Variants in KPNA5 observed in about 807,000 individuals in gnomAD.
The protein encoded by KPNA5 is karyopherin subunit alpha 5.
Under a neutral mutation model 71.3 loss-of-function variants are expected in KPNA5, and 46 were observed. The observed-to-expected ratio is 0.65, with a 90% confidence interval of 0.51 to 0.83. The LOEUF (loss-of-function observed/expected upper bound fraction) is 0.83. KPNA5 is among the 40% of genes least tolerant of loss of function. KPNA5 has a pLI of 0.00. For missense variants in KPNA5, 547 were observed against 628.3 expected (o/e 0.87, Z 1.38); for synonymous variants, 207 against 201.4 (o/e 1.03, Z -0.24).
intron 12 of KPNA5, among the ~76,000 whole-genome samples, chr6:116,728,879 G>A (rs1779374979): frequency 6.6e-6 from 1 of 152,050 alleles, no homozygotes; most frequent in Non-Finnish European, 1.5e-5. Context: ...TTTTTGCCAA[G>A]TGAACAAATC....
chr6:116,723,736 A>G (rs1214549957), intron 9 of KPNA5, among the ~76,000 whole-genome samples: 1 of 152,208 alleles, frequency 6.6e-6, no homozygotes, highest in African/African-American at 2.4e-5. Flanking sequence ...AATACTTCAG[A>G]TAATAAGCAT....
intron 12 of KPNA5, among the ~76,000 whole-genome samples, chr6:116,727,065 T>C (rs558473340): frequency 6.6e-6 from 1 of 152,222 alleles, no homozygotes; most frequent in South Asian, 2.1e-4. Flanking sequence ...ATAGTATCTT[T>C]TATTTTTCTA....
intron 1 of KPNA5, among the ~76,000 whole-genome samples, chr6:116,683,566 C>T (rs540874417): frequency 1.1e-4 from 16 of 151,788 alleles, no homozygotes; most frequent in Admixed American, 6.6e-4. Flanking sequence ...TTATGTTGAG[C>T]GGTTTCCCTC....
chr6:116,681,572 G>C (rs996738102), intron 1 of KPNA5: 1 of 1,290,286 alleles, frequency 7.8e-7, no homozygotes, highest in Non-Finnish European at 9.8e-7. Flanking sequence ...GATTCTTTCA[G>C]CAGGTCCTCT....
chr6:116,726,385 A>G, intron 11 of KPNA5, 110 bp from the exon 12 acceptor site: 3 of 806,488 alleles, frequency 3.7e-6, no homozygotes, highest in Non-Finnish European at 5.8e-6. Flanking sequence ...TTTTAATGTC[A>G]AGGTTCCAAA....
chr6:116,708,921 G>C (rs377059607), intron 7 of KPNA5, among the ~76,000 whole-genome samples: 224 of 152,254 alleles, frequency 1.5e-3, no homozygotes, highest in African/African-American at 5.0e-3. Context: ...AAGTAGCTGG[G>C]ATTACAGTCG....
intron 2 of KPNA5, among the ~76,000 whole-genome samples, chr6:116,691,598 T>C (rs1777803930): frequency 6.6e-6 from 1 of 152,234 alleles, no homozygotes; most frequent in Non-Finnish European, 1.5e-5. Context: ...AGCATAGTAC[T>C]GTCATTCCTA....
intron 4 of KPNA5, 66 bp downstream of exon 4, chr6:116,692,458 GT>G (rs148504222): frequency 1.3e-4 from 130 of 1,000,154 alleles, no homozygotes; most frequent in African/African-American, 4.2e-4. Flanking sequence ...TTATTTTATT[GT>G]TTTTTTTTAA....
In KPNA5 at chr6:116,733,662, A is replaced by G. The variant is rs1446943534; in HGVS notation, c.*1339A>G. The stretch of plus-strand genomic sequence containing the variant: ...AACTACTGTTGAACTCAATCTTTTA[A>G]TTTATAGTTATACGTAGGCTATTTA... On this transcript the variant is annotated 3_prime_UTR_variant, in exon 14 of 14. Coordinates refer to ENST00000368564, the MANE Select transcript of KPNA5 (RefSeq NM_001366306.2). 21 of 151,570 alleles carry G rather than the reference A, an allele frequency of 1.4e-4. No homozygotes were observed. Among genetic ancestry groups the G allele is most frequent in the Admixed American group, 1.3e-3 (19 of 15,160 alleles). 9.4% of individuals were successfully genotyped at this position (151,570 alleles called of 1,614,324 possible). A position where few individuals can be genotyped will look rare whatever the true frequency, so the allele number is the denominator to read the frequency against.
At chr6:116,704,309 AT>A (rs949369722) in intron 6 of KPNA5, among the ~76,000 whole-genome samples, 106 of 152,282 alleles carry the variant, frequency 7.0e-4, no homozygotes, top group African/African-American at 2.3e-3. Context: ...AAGTGCTGGA[AT>A]TACAGGCATG....
rs1779799840 is a variant in KPNA5 at position 116,739,727 on chromosome 6, A to G, written c.*7404A>G. The G allele has an allele frequency of 6.6e-6, 1 of 152,084 alleles. No individual in the cohort carries two copies. Among genetic ancestry groups the G allele is most frequent in the South Asian group, 2.1e-4 (1 of 4,806 alleles). The allele number at this position is 152,084 out of a possible 1,614,324, so 9.4% of individuals were successfully genotyped here. On this transcript the variant is annotated 3_prime_UTR_variant, in exon 14 of 14. Transcript: ENST00000368564. The stretch of plus-strand genomic sequence containing the variant: ...AACTATCTGATCTTTGACAAACCTG[A>G]GAAAAACAAGCAATGGGGAAAGGAT...
chr6:116,682,651 GA>G lies in KPNA5; in HGVS notation c.4+1317del, dbSNP rs1206955627. Among the ~76,000 whole-genome samples the G allele has an allele frequency of 2.6e-5, 4 of 152,236 alleles. No homozygotes were observed. In the East Asian group the frequency reaches 7.7e-4, roughly 29 times the overall value. On this transcript the variant is annotated intron_variant, in intron 1 of 13. Coordinates refer to ENST00000368564, the MANE Select transcript of KPNA5 (RefSeq NM_001366306.2). The stretch of plus-strand genomic sequence containing the variant: ...AGAAATAATGTCGATTGATATTAAA[GA>G]AAATCATAAGTTCAGATTCCAGTTA...
chr6:116,684,601 A>T (rs1284245852), intron 1 of KPNA5, among the ~76,000 whole-genome samples: 3 of 151,968 alleles, frequency 2.0e-5, no homozygotes, highest in Non-Finnish European at 2.9e-5. Flanking sequence ...TCTCTGACCT[A>T]CTTCTTTTTG....
At chr6:116,707,218 G>A (rs567568) in intron 7 of KPNA5, among the ~76,000 whole-genome samples, 9,991 of 151,880 alleles carry the variant, frequency 0.066, 451 homozygotes, top group Admixed American at 0.16. Context: ...TTCACATTTA[G>A]TAATGCTTAA....
chr6:116,683,702 G>T (rs1211843253), intron 1 of KPNA5, among the ~76,000 whole-genome samples: 2 of 151,268 alleles, frequency 1.3e-5, no homozygotes, highest in East Asian at 3.9e-4. Context: ...TCCCTCCCGG[G>T]GTCTCCTGCC....
In KPNA5 at chr6:116,741,817, C is replaced by T. The variant is rs962203975; in HGVS notation, c.*9494C>T. ...TTTTTAAAGCATTGTTCTTAATCCC[C>T]ATGACTGTCCTTCAGTCACAATTCC... On this transcript the variant is annotated 3_prime_UTR_variant, in exon 14 of 14. Transcript: ENST00000368564. The T allele has an allele frequency of 6.6e-6, 1 of 152,102 alleles. No homozygotes were observed. Among genetic ancestry groups the T allele is most frequent in the African/African-American group, 2.4e-5 (1 of 41,436 alleles). The allele number at this position is 152,102 out of a possible 1,614,324, so 9.4% of individuals were successfully genotyped here.
chr6:116,681,917 T>C (rs1175975240), intron 1 of KPNA5, among the ~76,000 whole-genome samples: 1 of 152,008 alleles, frequency 6.6e-6, no homozygotes, highest in Non-Finnish European at 1.5e-5. Flanking sequence ...TCATCGATAA[T>C]ACATAGGAGA....
At position 116,734,724 on chromosome 6, in the gene KPNA5, A is replaced by G. The variant is rs974785166; in HGVS notation, c.*2401A>G. 1 of 151,008 alleles carries G rather than the reference A, an allele frequency of 6.6e-6. No homozygotes were observed. Among genetic ancestry groups the G allele is most frequent in the Non-Finnish European group, 1.5e-5 (1 of 67,514 alleles). 9.4% of individuals were successfully genotyped at this position (151,008 alleles called of 1,614,324 possible). On this transcript the variant is annotated 3_prime_UTR_variant, in exon 14 of 14. Transcript: ENST00000368564. Reference sequence around the variant, plus strand: ...GGCAGAGCCCTGACCAGGAAAAAAAAAAAAAAAGAAAGAAAGAAAAGAAAA... The same window carrying G: ...GGCAGAGCCCTGACCAGGAAAAAAAGAAAAAAAGAAAGAAAGAAAAGAAAA...
Position 116,726,400 on chromosome 6 carries a change from T to C in KPNA5, c.1126-95T>C, listed in dbSNP as rs576212737. The C allele has an allele frequency of 1.1e-4, 110 of 972,912 alleles. 2 individuals are homozygous for C. In the South Asian group the frequency reaches 2.1e-3, roughly 19 times the overall value. The allele number at this position is 972,912 out of a possible 1,614,324, so 60.3% of individuals were successfully genotyped here. On this transcript the variant is annotated intron_variant, in intron 11 of 13. Transcript: ENST00000368564. ...TTTTAATGTCAAGGTTCCAAAAACC[T>C]TGACATTTTGAAGCCATTGAGTTTC...
Sources: gnomAD v4.1 joint callset for allele counts (sites outside exome capture counted in the v4.1 genomes callset) on GRCh38, gnomAD v4.1.1 for gene constraint, MANE v1.5 for transcripts, NCBI Gene and HGNC (gene_info 2026-07-23, HGNC 2026-07-21) for gene names.